The following MYO16 variants were observed in gnomAD, a reference collection of about 807,000 sequenced individuals.
The protein encoded by MYO16 is myosin XVI.
A neutral mutation model predicts 205.3 loss-of-function variants in MYO16; 94 were observed. The ratio of observed to expected loss-of-function variants is 0.46; its 90% confidence interval spans 0.39 to 0.54. The LOEUF is 0.54. MYO16 is among the 20% of genes least tolerant of loss of function. MYO16 has a pLI of 0.00. For synonymous variants in MYO16, 988 were observed against 954.0 expected (o/e 1.04, Z -0.66); for missense variants, 2,315 against 2,387.5 (o/e 0.97, Z 0.63).
the MYO16 span, among the ~76,000 whole-genome samples, chr13:108,554,318 A>G: frequency 6.6e-6 from 1 of 152,134 alleles, no homozygotes. Context: ...CAGAAATCCA[A>G]GGTCAGCACT....
chr13:108,823,322 T>A, intron 9 of MYO16, 44 bp downstream of exon 9: 1 of 1,549,920 alleles, frequency 6.5e-7, no homozygotes, highest in Non-Finnish European at 8.7e-7. Flanking sequence ...CTTCTCTACC[T>A]GCTGGTCATT....
At chr13:109,182,462 C>T (rs140114443) in intron 34 of MYO16, among the ~76,000 whole-genome samples, 65 of 152,298 alleles carry the variant, frequency 4.3e-4, no homozygotes, top group African/African-American at 1.3e-3. Flanking sequence ...GCTCAGAGCA[C>T]GCCAGCCATC....
chr13:108,727,672 T>C lies in MYO16; in HGVS notation c.507+89T>C, dbSNP rs1351568626. Reference sequence around the variant, plus strand: ...ACTAATGCTATTTTACAATATGTAATATTTTGGTTGAGAAAAATCTGCATA... The same window carrying C: ...ACTAATGCTATTTTACAATATGTAACATTTTGGTTGAGAAAAATCTGCATA... On this transcript the variant is annotated intron_variant, in intron 4 of 34. Coordinates refer to ENST00000457511, the MANE Select transcript of MYO16 (RefSeq NM_001198950.3). 21 of 1,448,578 alleles carry C rather than the reference T, an allele frequency of 1.4e-5. No individual in the cohort carries two copies. The Admixed American group carries it at 4.9e-4, about 33-fold the overall frequency. The allele number at this position is 1,448,578 out of a possible 1,614,324, so 89.7% of individuals were successfully genotyped here.
the MYO16 span, among the ~76,000 whole-genome samples, chr13:108,546,752 A>G: frequency 6.6e-6 from 1 of 152,192 alleles, no homozygotes; most frequent in East Asian, 1.9e-4. Flanking sequence ...AAAGTGGGGC[A>G]TGGAAACCTT....
rs535727022 is a variant in MYO16, at chr13:108,866,189, G to T, written c.1372G>T (p.Asp458Tyr). 2.5e-5 allele frequency: 40 copies of T among 1,602,738 alleles called. No homozygotes were observed. The South Asian group carries it at 4.1e-4, about 17-fold the overall frequency. Residue 458 changes from aspartate (D) to tyrosine (Y), a missense_variant, in exon 12 of 35, where the codon GAC (aspartate) becomes TAC (tyrosine). Coordinates refer to ENST00000457511, the MANE Select transcript of MYO16 (RefSeq NM_001198950.3). ...GNNQIYTFIG[D>Y]ILLLVNPYKE... The stretch of plus-strand genomic sequence containing the variant: ...CCTTTTTTCACAGACATTCATTGGA[G>T]ACATTCTTTTGCTTGTTAACCCATA...
At chr13:108,750,992 T>G (rs545693339) in intron 4 of MYO16, among the ~76,000 whole-genome samples, 9 of 152,160 alleles carry the variant, frequency 5.9e-5, no homozygotes, top group African/African-American at 1.2e-4. Flanking sequence ...AACTCATGTT[T>G]AGCTTAATAG....
chr13:109,019,962 C>T, intron 23 of MYO16, 51 bp downstream of exon 23: 1 of 1,555,024 alleles, frequency 6.4e-7, no homozygotes. Context: ...GATCAAAGGT[C>T]CTTGGGACAA....
chr13:108,653,668 T>G (rs991726911), intron 1 of MYO16, among the ~76,000 whole-genome samples: 3 of 152,012 alleles, frequency 2.0e-5, no homozygotes, highest in African/African-American at 7.2e-5. Context: ...GTTCAATCTT[T>G]GATAACATTT....
At chr13:108,685,320 C>T (rs1319512594) in intron 2 of MYO16, among the ~76,000 whole-genome samples, 2 of 152,092 alleles carry the variant, frequency 1.3e-5, no homozygotes, top group African/African-American at 4.8e-5. Context: ...TGCACCCAGC[C>T]GAGAACCCCA....
At chr13:108,686,967 T>G (rs2139483669) in intron 2 of MYO16, among the ~76,000 whole-genome samples, 1 of 152,292 alleles carries the variant, frequency 6.6e-6, no homozygotes, top group African/African-American at 2.4e-5. Flanking sequence ...CAACGGCTGC[T>G]TACCCCATCA....
At chr13:108,571,555 C>T in the MYO16 span, among the ~76,000 whole-genome samples, 66 of 151,872 alleles carry the variant, frequency 4.3e-4, 2 homozygotes, top group South Asian at 9.8e-3. Context: ...ATGTGGAAAA[C>T]GAAATGAGAG....
chr13:108,798,786 A>G (rs1886878846), intron 6 of MYO16, among the ~76,000 whole-genome samples: 1 of 137,200 alleles, frequency 7.3e-6, no homozygotes, highest in Non-Finnish European at 1.5e-5. Context: ...GCTCACTGCA[A>G]GCTCCGCCTC....
At chr13:109,084,829 T>G (rs768361848) in intron 27 of MYO16, among the ~76,000 whole-genome samples, 1 of 151,794 alleles carries the variant, frequency 6.6e-6, no homozygotes, top group Non-Finnish European at 1.5e-5. Context: ...AAATATGGAA[T>G]GCACAAAAAA....
intron 4 of MYO16, among the ~76,000 whole-genome samples, chr13:108,750,940 T>C (rs937903527): frequency 6.6e-6 from 1 of 152,074 alleles, no homozygotes; most frequent in Admixed American, 6.6e-5. Context: ...GAGGCTAGAG[T>C]GACTCATGCG....
intron 23 of MYO16, among the ~76,000 whole-genome samples, chr13:109,029,034 A>T (rs1284256617): frequency 1.4e-5 from 2 of 146,214 alleles, no homozygotes; most frequent in East Asian, 3.9e-4. Context: ...TGTCTCATTG[A>T]TGCTGCAATG....
chr13:108,670,518 G>A (rs1881937633), intron 2 of MYO16, among the ~76,000 whole-genome samples: 1 of 152,166 alleles, frequency 6.6e-6, no homozygotes, highest in Admixed American at 6.6e-5. Context: ...CTAACAGTGA[G>A]GGTGTGGAAA....
chr13:108,954,026 C>T (rs762562379), intron 16 of MYO16, among the ~76,000 whole-genome samples: 1 of 152,200 alleles, frequency 6.6e-6, no homozygotes, highest in Admixed American at 6.5e-5. Context: ...GACCTGTCTG[C>T]AACTACCGGG....
At chr13:108,888,300 C>T in intron 13 of MYO16, 72 bp from the exon 14 acceptor site, 1 of 1,049,468 alleles carries the variant, frequency 9.5e-7, no homozygotes. Flanking sequence ...AAAGTAGTTT[C>T]AAAGGAACAA....
the MYO16 span, among the ~76,000 whole-genome samples, chr13:108,510,425 ATTTTT>A: frequency 1.2e-4 from 12 of 97,090 alleles, no homozygotes; most frequent in African/African-American, 4.7e-4. Context: ...TAGATAGTTA[ATTTTT>A]TTTTTTTTTT....
Sources: gnomAD v4.1 joint callset for allele counts (sites outside exome capture counted in the v4.1 genomes callset) on GRCh38, gnomAD v4.1.1 for gene constraint, MANE v1.5 for transcripts, NCBI Gene and HGNC (gene_info 2026-07-23, HGNC 2026-07-21) for gene names.